Variants in STATH observed in about 807,000 individuals in gnomAD.
The protein encoded by STATH is statherin.
In STATH, 11 loss-of-function variants were observed where a neutral mutation model predicts 13.3. That is an observed-to-expected ratio of 0.83 (90% CI 0.52 to 1.37). The LOEUF (loss-of-function observed/expected upper bound fraction) is 1.37. Ranked by LOEUF, STATH falls within the 40% of genes most tolerant of loss-of-function variation. STATH has a pLI of 0.00. For missense variants in STATH, 78 were observed against 73.3 expected (o/e 1.06, Z -0.24); for synonymous variants, 25 against 23.6 (o/e 1.06, Z -0.17).
rs753998244 is a variant in STATH, at chr4:69,998,453, T to C, written c.16T>C (p.Phe6Leu). MKFLV[F>L]AFILALMVSM... ...CCAGCCAACTATGAAGTTCCTTGTCTTTGCCTTCATCTTGGCTCTCATGGT... is the reference window on the plus strand; with the variant it reads ...CCAGCCAACTATGAAGTTCCTTGTCCTTGCCTTCATCTTGGCTCTCATGGT... Residue 6 changes from phenylalanine (F) to leucine (L), a missense_variant, in exon 2 of 6, where the codon TTT (phenylalanine) becomes CTT (leucine). Coordinates refer to ENST00000246895, the MANE Select transcript of STATH (RefSeq NM_003154.3). The C allele has an allele frequency of 3.7e-5, 60 of 1,612,630 alleles. No homozygotes were observed. The highest frequency in any genetic ancestry group is 4.2e-5 in the Non-Finnish European group (50 of 1,179,174).
Position 70,002,256 on chromosome 4 carries a change from C to T in STATH, c.*101C>T, listed in dbSNP as rs1724689345. ...TTCATACCATATCACACTACTACCACTTTTTGAAGAATCATCAAAGAGCAA... is the reference window on the plus strand; with the variant it reads ...TTCATACCATATCACACTACTACCATTTTTTGAAGAATCATCAAAGAGCAA... On this transcript the variant is annotated 3_prime_UTR_variant, in exon 6 of 6. Coordinates refer to ENST00000246895, the MANE Select transcript of STATH (RefSeq NM_003154.3). 6.6e-6 allele frequency: 1 copy of T among 151,406 alleles called. No homozygotes were observed. The highest frequency in any genetic ancestry group is 1.5e-5 in the Non-Finnish European group (1 of 67,712). 9.4% of individuals were successfully genotyped at this position (151,406 alleles called of 1,614,324 possible).
intron 5 of STATH, 40 bp from the exon 6 acceptor site, chr4:70,002,149 A>C (rs1724685987): frequency 6.6e-6 from 1 of 151,456 alleles, no homozygotes; most frequent in South Asian, 2.1e-4. Context: ...CAGGGGTAAA[A>C]ATTTTACAGA....
In STATH at chr4:69,998,489, G is replaced by GT. The variant is rs764145109; in HGVS notation, c.51+2dup. 7 of 1,611,478 alleles carry GT rather than the reference G, an allele frequency of 4.3e-6. No homozygotes were observed. In the Admixed American group the frequency reaches 1.2e-4, roughly 27 times the overall value. On this transcript the variant is annotated splice_donor_variant, in intron 2 of 5. Transcript: ENST00000246895. LOFTEE classifies it high-confidence loss of function. Reference sequence around the variant, plus strand: ...CTTGGCTCTCATGGTTTCCATGATTGTAAGTATATCAGGACATTTGAAGAA... The same window carrying GT: ...CTTGGCTCTCATGGTTTCCATGATTGTTAAGTATATCAGGACATTTGAAGAA...
At chr4:70,001,500 G>A (rs375704008) in intron 5 of STATH, among the ~76,000 whole-genome samples, 1 of 151,832 alleles carries the variant, frequency 6.6e-6, no homozygotes, top group East Asian at 1.9e-4. Flanking sequence ...GGGAACTTGT[G>A]AGAAATTTGC....
chr4:69,996,927 C>CTTTTT (rs34282662), intron 1 of STATH, among the ~76,000 whole-genome samples: 10 of 107,578 alleles, frequency 9.3e-5, no homozygotes, highest in Admixed American at 2.2e-4. Context: ...CAGAAATTTC[C>CTTTTT]TTTTTTTTTT....
intron 3 of STATH, 33 bp downstream of exon 3, chr4:69,999,720 T>G (rs1724601160): frequency 6.2e-7 from 1 of 1,611,544 alleles, no homozygotes; most frequent in African/African-American, 1.3e-5. Context: ...AAAACTTGTT[T>G]TCAGTTTTGT....
At chr4:70,001,080 C>A in intron 5 of STATH, 98 bp downstream of exon 5, 1 of 778,168 alleles carries the variant, frequency 1.3e-6, no homozygotes, top group Admixed American at 2.1e-5. Context: ...ACAGCAGTTC[C>A]AGTATAAGAA....
At position 70,000,915 on chromosome 4, in the gene STATH, C is replaced by A. The variant is rs753100514; in HGVS notation, c.155C>A (p.Pro52Gln). The A allele has an allele frequency of 3.7e-6, 6 of 1,612,040 alleles. No individual in the cohort carries two copies. The Admixed American group carries it at 6.7e-5, about 18-fold the overall frequency. The change falls in exon 5 of 6, where the codon CCA becomes CAA. Residue 52 changes from proline (P) to glutamine (Q), a missense_variant. Physicochemically the swap from Pro to Gln is moderately conservative, Grantham distance 76 (BLOSUM62 -1). Transcript: ENST00000246895. ...CCAGAACAACCACTATACCCACAAC[C>A]ATACCAACCACAATACCAACAATAT... Reference protein sequence around the residue: ...PVPEQPLYPQPYQPQYQQYTF With the variant: ...PVPEQPLYPQQYQPQYQQYTF
chr4:69,999,550 C>A, intron 2 of STATH, 117 bp from the exon 3 acceptor site: 1 of 944,728 alleles, frequency 1.1e-6, no homozygotes, highest in African/African-American at 1.7e-5. Flanking sequence ...TAGTGTCTAT[C>A]GATGATTTGC....
chr4:69,999,758 A>C (rs543985484), intron 3 of STATH, 22 bp from the exon 4 acceptor site: 1 of 1,611,836 alleles, frequency 6.2e-7, no homozygotes, highest in Admixed American at 1.7e-5. Flanking sequence ...TGAATTATTA[A>C]ACTTTTCTTC....
At chr4:69,999,232 T>C (rs1025392023) in intron 2 of STATH, 4 of 158,578 alleles carry the variant, frequency 2.5e-5, no homozygotes, top group Non-Finnish European at 4.2e-5. Context: ...ACCACATTAT[T>C]TGTTATAAAA....
chr4:69,996,605 T>C (rs1236383816), intron 1 of STATH, among the ~76,000 whole-genome samples: 2 of 152,124 alleles, frequency 1.3e-5, no homozygotes, highest in Admixed American at 6.6e-5. Context: ...AGTTGTGATA[T>C]GGCAGAAAAC....
chr4:69,999,652 T>C lies in STATH; in HGVS notation c.52-15T>C, dbSNP rs1724598643. The C allele has an allele frequency of 6.2e-7, 1 of 1,608,660 alleles. No individual in the cohort carries two copies. The highest frequency in any genetic ancestry group is 8.5e-7 in the Non-Finnish European group (1 of 1,177,620). On this transcript the variant is annotated splice_polypyrimidine_tract_variant and intron_variant, in intron 2 of 5. Transcript: ENST00000246895. ...ATTAAGATACTAACTATTGTCTAAT[T>C]TTCTGTTTTCTAAGGGAGCTGATTC...
intron 1 of STATH, among the ~76,000 whole-genome samples, chr4:69,996,387 C>A (rs1189069877): frequency 6.6e-6 from 1 of 152,112 alleles, no homozygotes. Flanking sequence ...AAATAGCATA[C>A]GTTCTCTTTT....
At chr4:70,002,087 A>G (rs1724684509) in intron 5 of STATH, 102 bp from the exon 6 acceptor site, 1 of 151,752 alleles carries the variant, frequency 6.6e-6, no homozygotes, top group Admixed American at 6.6e-5. Flanking sequence ...TTTATAAACT[A>G]TAATTGTATA....
intron 5 of STATH, among the ~76,000 whole-genome samples, 160 bp downstream of exon 5, chr4:70,001,142 T>G (rs374276039): frequency 9.5e-5 from 1 of 10,560 alleles, no homozygotes; most frequent in Non-Finnish European, 2.8e-4. Flanking sequence ...TAAATGCTTC[T>G]GAGATAGTCT....
chr4:69,998,381 G>A, intron 1 of STATH, 42 bp from the exon 2 acceptor site: 1 of 1,512,862 alleles, frequency 6.6e-7, no homozygotes, highest in African/African-American at 1.4e-5. Flanking sequence ...ATGGGCGAAT[G>A]CAAGAAAAAA....
intron 2 of STATH, among the ~76,000 whole-genome samples, 188 bp from the exon 3 acceptor site, chr4:69,999,479 A>G (rs1724592377): frequency 6.6e-6 from 1 of 151,912 alleles, no homozygotes; most frequent in Non-Finnish European, 1.5e-5. Context: ...TAGCACACTA[A>G]TTACAGAAAA....
intron 2 of STATH, chr4:69,999,045 G>A (rs958284488): frequency 6.6e-6 from 1 of 152,340 alleles, no homozygotes; most frequent in African/African-American, 2.4e-5. Context: ...TGTATCACTA[G>A]GTAAAGCACT....
Sources: gnomAD v4.1 joint callset for allele counts (sites outside exome capture counted in the v4.1 genomes callset) on GRCh38, gnomAD v4.1.1 for gene constraint, MANE v1.5 for transcripts, NCBI Gene and HGNC (gene_info 2026-07-23, HGNC 2026-07-21) for gene names.